Variants in ITGB3BP observed in about 807,000 individuals in gnomAD.
ITGB3BP encodes the protein integrin subunit beta 3 binding protein.
In ITGB3BP, 27 loss-of-function variants were observed where a neutral mutation model predicts 29.1. That is an observed-to-expected ratio of 0.93 (90% CI 0.68 to 1.28). The LOEUF (loss-of-function observed/expected upper bound fraction) is 1.28. Among genes scored for constraint, ITGB3BP ranks in the 50% most tolerant of loss-of-function variants. The pLI is 0.00. For synonymous variants in ITGB3BP, 61 were observed against 61.4 expected (o/e 0.99, Z 0.03); for missense variants, 192 against 200.2 (o/e 0.96, Z 0.25).
At chr1:63,520,004 C>G (rs1167445461) in intron 1 of ITGB3BP, among the ~76,000 whole-genome samples, 2 of 152,028 alleles carry the variant, frequency 1.3e-5, no homozygotes, top group African/African-American at 4.8e-5. Context: ...AAAGTTAACT[C>G]TGGTAGAGAG....
At chr1:63,511,923 G>A (rs936183335) in intron 1 of ITGB3BP, among the ~76,000 whole-genome samples, 1 of 152,136 alleles carries the variant, frequency 6.6e-6, no homozygotes, top group African/African-American at 2.4e-5. Flanking sequence ...CCTAAAAAAT[G>A]ATTAAAATAG....
intron 4 of ITGB3BP, chr1:63,458,246 C>T (rs1460226988): frequency 6.6e-6 from 1 of 152,072 alleles, no homozygotes; most frequent in Non-Finnish European, 1.5e-5. Flanking sequence ...CATTCTGTAC[C>T]AGTTCTGGGT....
At chr1:63,498,243 A>G (rs1278247277) in intron 2 of ITGB3BP, among the ~76,000 whole-genome samples, 3 of 152,192 alleles carry the variant, frequency 2.0e-5, no homozygotes, top group African/African-American at 4.8e-5. Context: ...CCCCAACAAC[A>G]GCAGAATACA....
rs557363364 is a variant in ITGB3BP, at chr1:63,504,951, G to A, written c.48+3577C>T. Among the ~76,000 whole-genome samples, 115 of 152,274 alleles carry A rather than the reference G, an allele frequency of 7.6e-4. 1 individual carries two copies. The Middle Eastern group carries it at 0.017, about 23-fold the overall frequency. The stretch of plus-strand genomic sequence containing the variant: ...AGGATTTTTGCATCGATGTTCATCA[G>A]GGATATTGGTCTAAAATTCTCTTTT... On this transcript the variant is annotated intron_variant, in intron 2 of 8. Transcript: ENST00000271002.
chr1:63,452,387 C>T (rs1644872043), intron 7 of ITGB3BP, among the ~76,000 whole-genome samples: 1 of 152,080 alleles, frequency 6.6e-6, no homozygotes, highest in Non-Finnish European at 1.5e-5. Flanking sequence ...AAGATTTCTT[C>T]CAGTTGGGAA....
intron 4 of ITGB3BP, among the ~76,000 whole-genome samples, chr1:63,472,156 C>T (rs954133295): frequency 1.3e-5 from 2 of 151,300 alleles, no homozygotes; most frequent in Non-Finnish European, 2.9e-5. Context: ...ATTGGCATTT[C>T]CATTATTTTT....
rs141745888 is a variant in ITGB3BP, at chr1:63,452,483, T to C, written c.484+1435A>G. Among the ~76,000 whole-genome samples, 235 of 152,264 alleles carry C rather than the reference T, an allele frequency of 1.5e-3. 2 individuals are homozygous for C. Among genetic ancestry groups the C allele is most frequent in the African/African-American group, 5.4e-3 (225 of 41,558 alleles). On this transcript the variant is annotated intron_variant, in intron 7 of 8. Transcript: ENST00000271002. ...GAAACCACTGAAACCCAGTTACACA[T>C]TCTAATCAAATTACACAACTAAAGT...
intron 4 of ITGB3BP, among the ~76,000 whole-genome samples, chr1:63,461,083 CAA>C (rs35518465): frequency 1.6e-3 from 157 of 97,536 alleles, no homozygotes; most frequent in Middle Eastern, 0.011. Context: ...ACTAAAACTA[CAA>C]AAAAAAAAAA....
chr1:63,511,719 T>C (rs1172551231), intron 1 of ITGB3BP, among the ~76,000 whole-genome samples: 2 of 152,052 alleles, frequency 1.3e-5, no homozygotes, highest in African/African-American at 4.8e-5. Flanking sequence ...ATTCCACTCA[T>C]AGGAGAGTAG....
intron 4 of ITGB3BP, among the ~76,000 whole-genome samples, chr1:63,477,787 T>C (rs1226281388): frequency 2.0e-5 from 3 of 152,178 alleles, no homozygotes; most frequent in African/African-American, 7.2e-5. Context: ...TACTCTTTAG[T>C]GTCCATTGGT....
chr1:63,478,933 G>A, intron 3 of ITGB3BP, 100 bp from the exon 4 acceptor site: 1 of 448,270 alleles, frequency 2.2e-6, no homozygotes, highest in Non-Finnish European at 3.9e-6. Flanking sequence ...AAAGTAAAAA[G>A]GACAAATGGA....
intron 4 of ITGB3BP, among the ~76,000 whole-genome samples, chr1:63,472,548 C>A (rs1207397157): frequency 1.3e-5 from 2 of 150,196 alleles, no homozygotes; most frequent in Admixed American, 6.6e-5. Context: ...CTGCTGCCAT[C>A]TCGGCTCACT....
chr1:63,475,015 CT>C (rs1238914630), intron 4 of ITGB3BP, among the ~76,000 whole-genome samples: 4 of 152,190 alleles, frequency 2.6e-5, no homozygotes, highest in African/African-American at 9.7e-5. Context: ...CACCCGGTCG[CT>C]TAGGCTGGAG....
intron 2 of ITGB3BP, among the ~76,000 whole-genome samples, chr1:63,508,161 T>C (rs1050636193): frequency 6.6e-6 from 1 of 152,214 alleles, no homozygotes; most frequent in African/African-American, 2.4e-5. Flanking sequence ...CATTTCATTT[T>C]AGCAGATTAT....
intron 1 of ITGB3BP, among the ~76,000 whole-genome samples, chr1:63,522,565 T>C (rs1467575311): frequency 6.6e-6 from 1 of 152,160 alleles, no homozygotes; most frequent in African/African-American, 2.4e-5. Flanking sequence ...CTATTCCCAC[T>C]ATGGTCATTC....
intron 2 of ITGB3BP, among the ~76,000 whole-genome samples, chr1:63,493,862 T>C (rs1645721920): frequency 6.6e-6 from 1 of 152,332 alleles, no homozygotes; most frequent in Non-Finnish European, 1.5e-5. Context: ...GGATACTTTA[T>C]CACTATTTTG....
At chr1:63,519,333 T>C (rs1646400027) in intron 1 of ITGB3BP, among the ~76,000 whole-genome samples, 1 of 152,104 alleles carries the variant, frequency 6.6e-6, no homozygotes, top group South Asian at 2.1e-4. Context: ...ATTTATTGAA[T>C]ATTGTGCTGA....
chr1:63,441,385 G>A (rs985066263), intron 8 of ITGB3BP, among the ~76,000 whole-genome samples: 5 of 152,004 alleles, frequency 3.3e-5, no homozygotes, highest in Non-Finnish European at 7.4e-5. Flanking sequence ...CTACAGGTGT[G>A]TGCCACCACA....
chr1:63,523,444 T>C (rs902089501), upstream of ITGB3BP: 92 of 460,794 alleles, frequency 2.0e-4, no homozygotes, highest in African/African-American at 1.6e-3. Context: ...CTCTGTGCGC[T>C]CCGGATCAGC....
Sources: allele counts gnomAD v4.1 joint callset (sites outside exome capture counted in the v4.1 genomes callset), GRCh38; gene constraint gnomAD v4.1.1; transcripts MANE v1.5; gene names NCBI Gene and HGNC (gene_info 2026-07-23, HGNC 2026-07-21).